Variants in PLEKHH1 observed in about 807,000 individuals in gnomAD.
The protein encoded by PLEKHH1 is pleckstrin homology domain-containing family H member 1.
PLEKHH1 carries 104 observed loss-of-function variants against 160.0 expected under a neutral mutation model. The ratio of observed to expected loss-of-function variants is 0.65; its 90% CI spans 0.55 to 0.76. The LOEUF is 0.76. Among genes scored for constraint, PLEKHH1 ranks in the 30% least tolerant of loss-of-function variants. The probability of loss-of-function intolerance (pLI) is 0.00; values close to 1 mark genes in which losing one functional copy is unlikely to be tolerated. For synonymous variants in PLEKHH1, 619 were observed against 678.4 expected (o/e 0.91, Z 1.36); for missense variants, 1,427 against 1,724.1 (o/e 0.83, Z 3.05).
Position 67,572,191 on chromosome 14 carries a change from T to C in PLEKHH1, c.1642T>C (p.Cys548Arg). The C allele has an allele frequency of 6.2e-7, 1 of 1,608,762 alleles. No individual in the cohort carries two copies. Among genetic ancestry groups the C allele is most frequent in the South Asian group, 1.1e-5 (1 of 89,706 alleles). Reference sequence around the variant, plus strand: ...TGACTACGCCATCCCCCCGGACGCCTGCTCACTGGACAGTGACTACTCAGA... The same window carrying C: ...TGACTACGCCATCCCCCCGGACGCCCGCTCACTGGACAGTGACTACTCAGA... The part of the protein sequence containing the change: ...EGDYAIPPDA[C>R]SLDSDYSEPE... The change falls in exon 11 of 29, where the codon TGC becomes CGC. Residue 548 changes from cysteine (C) to arginine (R), a missense_variant. Around this residue, in one of 6 missense-constraint regions of PLEKHH1, gnomAD observed 831 missense variants for 929.2 expected, o/e 0.89. Coordinates refer to ENST00000329153, the MANE Select transcript of PLEKHH1 (RefSeq NM_020715.3).
rs752332686 is a variant in PLEKHH1 at position 67,571,714 on chromosome 14, C to A, written c.1435-38C>A. 5 of 1,600,294 alleles carry A rather than the reference C, an allele frequency of 3.1e-6. No homozygotes were observed. The Middle Eastern group carries it at 5.0e-4, about 159-fold the overall frequency. On this transcript the variant is annotated intron_variant, in intron 9 of 28. Transcript: ENST00000329153. ...GCAGGGTTGGGAGAGGACTGTTTTGCAGCCTGAGCTGCAGTGAGGGAGGGG... is the reference window on the plus strand; with the variant it reads ...GCAGGGTTGGGAGAGGACTGTTTTGAAGCCTGAGCTGCAGTGAGGGAGGGG...
Position 67,573,673 on chromosome 14 carries a change from A to G in PLEKHH1, c.1840-128A>G, listed in dbSNP as rs563911914. 293 of 728,322 alleles carry G rather than the reference A, an allele frequency of 4.0e-4. 4 individuals carry two copies. In the South Asian group the frequency reaches 4.5e-3, roughly 11 times the overall value. The allele number at this position is 728,322 out of a possible 1,614,324, so 45.1% of individuals were successfully genotyped here. On this transcript the variant is annotated intron_variant, in intron 12 of 28. Coordinates refer to ENST00000329153, the MANE Select transcript of PLEKHH1 (RefSeq NM_020715.3). This position sits in a 1 kb window ranked among gnomAD's most constrained non-coding sequence, Gnocchi z 4.8. ...GAATCTAGAATAAGTCACCCATCAT[A>G]ACACAGCCAGAATGCTGGGAATCAT...
intron 4 of PLEKHH1, among the ~76,000 whole-genome samples, chr14:67,558,805 A>G (rs2034701748): frequency 6.6e-6 from 1 of 152,244 alleles, no homozygotes; most frequent in African/African-American, 2.4e-5. Flanking sequence ...TCCAGGTAGT[A>G]ACTATTTTAT....
intron 11 of PLEKHH1, among the ~76,000 whole-genome samples, chr14:67,572,569 T>G (rs909665300): frequency 1.3e-5 from 2 of 152,102 alleles, no homozygotes; most frequent in Admixed American, 6.5e-5. Flanking sequence ...TATATGACTT[T>G]GTTTTATCAC....
chr14:67,534,349 CAGG>C (rs939805439), intron 1 of PLEKHH1, among the ~76,000 whole-genome samples: 39 of 152,248 alleles, frequency 2.6e-4, no homozygotes, highest in African/African-American at 7.9e-4. Context: ...GAAGCCAAGG[CAGG>C]AGGAGAGCTT....
intron 18 of PLEKHH1, 142 bp from the exon 19 acceptor site, chr14:67,577,881 C>A (rs1446979101): frequency 1.2e-5 from 8 of 684,368 alleles, no homozygotes; most frequent in Non-Finnish European, 1.5e-5. Flanking sequence ...GAGATGCCCT[C>A]CAACAGTAGC....
chr14:67,562,429 C>G lies in PLEKHH1; in HGVS notation c.798C>G (p.His266Gln), dbSNP rs753187151. 1 of 1,613,918 alleles carries G rather than the reference C, an allele frequency of 6.2e-7. No homozygotes were observed. Among genetic ancestry groups the G allele is most frequent in the South Asian group, 1.1e-5 (1 of 91,076 alleles). Reference sequence around the variant, plus strand: ...ATCTGGGAAGAGAGAGCCCTCCCCACCAGCCATGCATGAAGCTTCTTACCT... The same window carrying G: ...ATCTGGGAAGAGAGAGCCCTCCCCAGCAGCCATGCATGAAGCTTCTTACCT... ...QPHLGRESPP[H>Q]QPCMKLLTFR... Residue 266 changes from histidine (H) to glutamine (Q), a missense_variant, in exon 7 of 29, where the codon CAC becomes CAG. This residue lies in a region of PLEKHH1 where 831 missense variants were observed against 929.2 expected (regional missense o/e 0.89). Coordinates refer to ENST00000329153, the MANE Select transcript of PLEKHH1 (RefSeq NM_020715.3).
rs528002171 is a variant in PLEKHH1, at chr14:67,566,460, T to C, written c.1264-2678T>C. On this transcript the variant is annotated intron_variant, in intron 7 of 28. Transcript: ENST00000329153. ...CACTGTGATAGCTTAAGAGTAGGTC[T>C]TGAGCCGGGTACAGTGGCTCACACC... 4.8e-4 allele frequency among the ~76,000 whole-genome samples: 73 copies of C among 152,114 alleles called. 1 individual carries two copies. In the Middle Eastern group the frequency reaches 0.014, roughly 28 times the overall value.
chr14:67,566,559 A>G (rs1306811692), intron 7 of PLEKHH1, among the ~76,000 whole-genome samples: 3 of 148,378 alleles, frequency 2.0e-5, no homozygotes. Context: ...AACCTGGGCA[A>G]CACGGCGAAA....
rs762026637 is a variant in PLEKHH1, at chr14:67,579,169, G to A, written c.2885G>A (p.Arg962Gln). Reference protein sequence around the residue: ...ETGQYATYCQRAVERTLRTGE... With the variant: ...ETGQYATYCQQAVERTLRTGE... ...GGCCAGTATGCCACCTACTGCCAGC[G>A]GGCAGTGGAGCGGACCCTGCGGACC... The change falls in exon 21 of 29, where the codon CGG (arginine) becomes CAG (glutamine). Residue 962 changes from arginine (R) to glutamine (Q), a missense_variant. Physicochemically the swap from Arg to Gln is conservative, Grantham distance 43. Around this residue, in one of 6 missense-constraint regions of PLEKHH1, gnomAD observed 436 missense variants for 607.5 expected, o/e 0.72. Coordinates refer to ENST00000329153, the MANE Select transcript of PLEKHH1 (RefSeq NM_020715.3). The A allele has an allele frequency of 1.4e-4, 232 of 1,606,080 alleles. No homozygotes were observed. Among genetic ancestry groups the A allele is most frequent in the Non-Finnish European group, 1.9e-4 (218 of 1,177,622 alleles).
In PLEKHH1 at chr14:67,573,793, C is replaced by T. The variant is rs1008369780; in HGVS notation, c.1840-8C>T. ...CAGTGGCTCTCCTCTCCAATACTTT[C>T]TTTACAGAGTGATGTCATCCGGAAA... On this transcript the variant is annotated splice_region_variant and splice_polypyrimidine_tract_variant and intron_variant, in intron 12 of 28. Transcript: ENST00000329153. This position sits in a 1 kb window ranked among gnomAD's most constrained non-coding sequence, Gnocchi z 4.8. The T allele has an allele frequency of 6.3e-7, 1 of 1,599,252 alleles. No homozygotes were observed. The highest frequency in any genetic ancestry group is 2.2e-5 in the East Asian group (1 of 44,796).
intron 24 of PLEKHH1, among the ~76,000 whole-genome samples, chr14:67,583,116 TA>T (rs949872911): frequency 5.3e-5 from 8 of 152,098 alleles, no homozygotes; most frequent in African/African-American, 1.7e-4. Flanking sequence ...AATTAAAAAT[TA>T]AAAATTTTTA....
At chr14:67,553,248 T>C (rs891287217) in intron 2 of PLEKHH1, among the ~76,000 whole-genome samples, 2 of 152,218 alleles carry the variant, frequency 1.3e-5, no homozygotes, top group Admixed American at 6.5e-5. Flanking sequence ...TAGGTCTCAG[T>C]AGTCCTGCTG....
rs1333802263 is a variant in PLEKHH1 at position 67,557,350 on chromosome 14, GA to G, written c.273del (p.Glu91AspfsTer3). The part of the protein sequence containing the change: ...SEGSLHRKYQ[E>X]LLKAIKGKDE... ...GGGGAGCCTGCACCGGAAATACCAA[GA>G]ATTGCTGAAAGCCATAAAGGGCAAA... On this transcript the variant is annotated frameshift_variant, in exon 4 of 29. Coordinates refer to ENST00000329153, the MANE Select transcript of PLEKHH1 (RefSeq NM_020715.3). LOFTEE classifies it high-confidence loss of function. 4 of 1,613,990 alleles carry G rather than the reference GA, an allele frequency of 2.5e-6. No individual in the cohort carries two copies. Among genetic ancestry groups the G allele is most frequent in the Non-Finnish European group, 3.4e-6 (4 of 1,179,858 alleles).
chr14:67,578,706 T>C lies in PLEKHH1; in HGVS notation c.2849+75T>C. ...GCATGAATAAGAGGGATGAGAGGAG[T>C]CTAGGGCAGACCAGATCACTCCTGT... is the stretch of plus-strand genomic sequence containing the variant. On this transcript the variant is annotated intron_variant, in intron 20 of 28. Transcript: ENST00000329153. The surrounding 1 kb of genome is among the most constrained non-coding windows in gnomAD (Gnocchi z 5.0). The C allele has an allele frequency of 1.0e-6, 1 of 953,260 alleles. No individual in the cohort carries two copies. Among genetic ancestry groups the C allele is most frequent in the African/African-American group, 1.6e-5 (1 of 61,576 alleles). The allele number at this position is 953,260 out of a possible 1,614,324, so 59.1% of individuals were successfully genotyped here.
At chr14:67,555,110 G>A (rs1486432780) in intron 2 of PLEKHH1, among the ~76,000 whole-genome samples, 4 of 152,198 alleles carry the variant, frequency 2.6e-5, no homozygotes, top group African/African-American at 9.6e-5. Context: ...TAGAGATGAG[G>A]TCTTGATATG....
At chr14:67,585,879 C>G in intron 27 of PLEKHH1, 72 bp from the exon 28 acceptor site, 2 of 1,481,594 alleles carry the variant, frequency 1.3e-6, no homozygotes, top group East Asian at 2.3e-5. Context: ...CTAGAAGAGA[C>G]AGGGGATGCT....
chr14:67,548,892 T>G (rs1008343875), intron 2 of PLEKHH1, among the ~76,000 whole-genome samples: 1 of 152,136 alleles, frequency 6.6e-6, no homozygotes. Flanking sequence ...TACCAAAAAT[T>G]TGTAGTTCAG....
chr14:67,559,837 G>A (rs1477466972), intron 5 of PLEKHH1, 146 bp downstream of exon 5: 3 of 624,858 alleles, frequency 4.8e-6, no homozygotes, highest in Non-Finnish European at 8.8e-6. Context: ...CCTCCATGCT[G>A]AGACACCGTA....
Sources: gnomAD v4.1 joint callset for allele counts (sites outside exome capture counted in the v4.1 genomes callset) on GRCh38, gnomAD v4.1.1 for gene constraint, gnomAD v4.1.1 regional missense constraint, Gnocchi (gnomAD v3.1) non-coding constraint, MANE v1.5 for transcripts, NCBI Gene and HGNC (gene_info 2026-07-23, HGNC 2026-07-21) for gene names.